DLG2: variants seen among roughly 807,000 people sequenced by gnomAD.
DLG2 encodes disks large homolog 2.
A neutral mutation model predicts 132.5 loss-of-function variants in DLG2; 45 were observed. The ratio of observed to expected loss-of-function variants is 0.34; its 90% confidence interval spans 0.27 to 0.44. DLG2 has a LOEUF of 0.44. Among genes scored for constraint, DLG2 ranks in the 20% least tolerant of loss-of-function variants. The probability of loss-of-function intolerance (pLI) is 1.00; values close to 1 mark genes in which losing one functional copy is unlikely to be tolerated. For synonymous variants in DLG2, 424 were observed against 419.6 expected, an observed-to-expected ratio of 1.01 and a Z score of -0.13; for missense variants, 1,045 against 1,196.9, an observed-to-expected ratio of 0.87 and a Z score of 1.87.
In DLG2 at chr11:83,488,034, C is replaced by T. The variant is rs531343265; in HGVS notation, c.2194-3806G>A. Among the ~76,000 whole-genome samples, 142 of 151,904 alleles carry T rather than the reference C, an allele frequency of 9.3e-4. 2 individuals are homozygous for T. Among genetic ancestry groups the T allele is most frequent in the South Asian group, 8.9e-3 (43 of 4,812 alleles). ...ATAACTCTATGAATATACTAGAAAACATTGAGTTGTATACTGTGAGTGAAT... is the reference window on the plus strand; with the variant it reads ...ATAACTCTATGAATATACTAGAAAATATTGAGTTGTATACTGTGAGTGAAT... On this transcript the variant is annotated intron_variant, in intron 21 of 27. Transcript: ENST00000376104.
intron 18 of DLG2, 119 bp downstream of exon 18, chr11:83,786,571 A>G: frequency 2.4e-6 from 2 of 846,348 alleles, no homozygotes; most frequent in Non-Finnish European, 3.7e-6. Flanking sequence ...ATTTTTCACT[A>G]TAGGTAGGTT....
chr11:85,484,051 G>A (rs980841205), intron 3 of DLG2, among the ~76,000 whole-genome samples: 15 of 152,246 alleles, frequency 9.9e-5, no homozygotes, highest in Non-Finnish European at 1.6e-4. Context: ...ATACCGGCAC[G>A]AGACCGATAG....
At position 85,111,968 on chromosome 11, in the gene DLG2, C is replaced by G. The variant is rs1336538081; in HGVS notation, c.283-233G>C. The stretch of plus-strand genomic sequence containing the variant: ...ACTCTAAGGACTAGGTTTCTGGCAC[C>G]AGGCTGTCTCAGCATCTGGCCTTCC... On this transcript the variant is annotated intron_variant, in intron 5 of 27. Transcript: ENST00000376104. Among the ~76,000 whole-genome samples, 3 of 152,142 alleles carry G rather than the reference C, an allele frequency of 2.0e-5. No individual in the cohort carries two copies. The East Asian group carries it at 5.8e-4, about 29-fold the overall frequency.
intron 17 of DLG2, chr11:83,789,908 T>C: frequency 1.2e-6 from 1 of 837,852 alleles, no homozygotes; most frequent in Non-Finnish European, 1.7e-6. Context: ...TGAAAGTTTG[T>C]AAACTGTGTT....
intron 14 of DLG2, among the ~76,000 whole-genome samples, chr11:83,958,914 G>A (rs2087672633): frequency 1.3e-5 from 2 of 152,046 alleles, no homozygotes; most frequent in Admixed American, 6.6e-5. Context: ...ATCACTCTGG[G>A]CCCTGTGTCT....
chr11:83,834,818 A>C (rs939616753), intron 16 of DLG2, among the ~76,000 whole-genome samples: 1 of 152,198 alleles, frequency 6.6e-6, no homozygotes, highest in East Asian at 1.9e-4. Context: ...AATTTTCTGT[A>C]TCAGTAGTTT....
rs140920424 is a variant in DLG2 at position 84,948,389 on chromosome 11, C to T, written c.357+163272G>A. 7.2e-5 allele frequency among the ~76,000 whole-genome samples: 11 copies of T among 152,288 alleles called. No individual in the cohort carries two copies. The East Asian group carries it at 2.1e-3, about 29-fold the overall frequency. On this transcript the variant is annotated intron_variant, in intron 6 of 27. Coordinates refer to ENST00000376104, the MANE Select transcript of DLG2 (RefSeq NM_001142699.3). ...CCTACTGTGCATATCCAGAGATAAG[C>T]CCTGATGGCAGTCATGTGGAAAAGT... is the stretch of plus-strand genomic sequence containing the variant.
At chr11:83,820,919 G>A (rs2050603990) in intron 17 of DLG2, among the ~76,000 whole-genome samples, 1 of 152,132 alleles carries the variant, frequency 6.6e-6, no homozygotes, top group Non-Finnish European at 1.5e-5. Context: ...GCTCATAGAT[G>A]TCACAGACAA....
chr11:84,740,201 C>T (rs940310363), intron 6 of DLG2, among the ~76,000 whole-genome samples: 1 of 151,862 alleles, frequency 6.6e-6, no homozygotes, highest in Non-Finnish European at 1.5e-5. Flanking sequence ...AATGGAAAGG[C>T]ACCTATTAAT....
At chr11:84,659,065 C>A (rs1277878415) in intron 6 of DLG2, among the ~76,000 whole-genome samples, 2 of 152,150 alleles carry the variant, frequency 1.3e-5, no homozygotes, top group Non-Finnish European at 1.5e-5. Context: ...GCCACTTAGT[C>A]TATAGTATTC....
intron 6 of DLG2, among the ~76,000 whole-genome samples, chr11:84,559,206 C>G (rs890765692): frequency 6.6e-6 from 1 of 151,972 alleles, no homozygotes; most frequent in African/African-American, 2.4e-5. Flanking sequence ...CTTATATTGC[C>G]TGAACTTTTA....
intron 4 of DLG2, among the ~76,000 whole-genome samples, chr11:85,188,374 A>C (rs2152525435): frequency 6.6e-6 from 1 of 152,310 alleles, no homozygotes; most frequent in East Asian, 1.9e-4. Context: ...AACAAACAAA[A>C]CACAAGCAAT....
chr11:84,593,718 G>A (rs2099549615), intron 6 of DLG2, among the ~76,000 whole-genome samples: 1 of 152,098 alleles, frequency 6.6e-6, no homozygotes, highest in Non-Finnish European at 1.5e-5. Context: ...GATGGCTGCA[G>A]CAAACCACCA....
chr11:83,568,146 G>A (rs1039386602), intron 19 of DLG2, among the ~76,000 whole-genome samples: 5 of 152,114 alleles, frequency 3.3e-5, no homozygotes, highest in African/African-American at 4.8e-5. Context: ...GCAAGAGGAC[G>A]CAAGTAATGA....
chr11:84,929,836 T>C (rs1408648308), intron 6 of DLG2, among the ~76,000 whole-genome samples: 2 of 152,086 alleles, frequency 1.3e-5, no homozygotes, highest in African/African-American at 2.4e-5. Flanking sequence ...CTGGCCTTAA[T>C]GAGAACCACT....
chr11:84,690,420 C>T (rs769688109), intron 6 of DLG2, among the ~76,000 whole-genome samples: 91 of 150,288 alleles, frequency 6.1e-4, no homozygotes, highest in Non-Finnish European at 5.8e-4. Flanking sequence ...ATTTGTCAAT[C>T]GGAATAAATT....
chr11:84,784,369 T>TAAATAAA (rs200692059), intron 6 of DLG2, among the ~76,000 whole-genome samples: 1 of 148,850 alleles, frequency 6.7e-6, no homozygotes, highest in Non-Finnish European at 1.5e-5. Flanking sequence ...AATAAATAAA[T>TAAATAAA]TAAACAAGAG....
At chr11:85,036,505 AATT>A (rs1555348083) in intron 6 of DLG2, among the ~76,000 whole-genome samples, 1 of 152,202 alleles carries the variant, frequency 6.6e-6, no homozygotes, top group Non-Finnish European at 1.5e-5. Context: ...ATAATTTTAA[AATT>A]ATATTATTTC....
intron 16 of DLG2, among the ~76,000 whole-genome samples, chr11:83,872,279 TG>T (rs1260976913): frequency 6.6e-6 from 1 of 152,156 alleles, no homozygotes; most frequent in Admixed American, 6.6e-5. Flanking sequence ...ATTGGCGAGT[TG>T]TATACTATTT....
Sources: gnomAD v4.1 joint callset for allele counts (sites outside exome capture counted in the v4.1 genomes callset) on GRCh38, gnomAD v4.1.1 for gene constraint, MANE v1.5 for transcripts, NCBI Gene and HGNC (gene_info 2026-07-23, HGNC 2026-07-21) for gene names.